ASIC2: variants seen among roughly 807,000 people sequenced by gnomAD.
ASIC2 encodes the protein acid sensing ion channel subunit 2, also known as acid-sensing ion channel 2.
Under a neutral mutation model 57.3 loss-of-function variants are expected in ASIC2, and 25 were observed. That is an observed-to-expected ratio of 0.44 (90% CI 0.32 to 0.61). The LOEUF (loss-of-function observed/expected upper bound fraction) is 0.61. Ranked by LOEUF, ASIC2 falls within the 20% of genes least tolerant of loss-of-function variation. The pLI, the probability that ASIC2 is intolerant of heterozygous loss-of-function variation, is 0.06. For synonymous variants in ASIC2, 319 were observed against 307.5 expected (o/e 1.04, Z -0.39); for missense variants, 641 against 738.1 (o/e 0.87, Z 1.52).
intron 1 of ASIC2, chr17:33,955,195 T>C (rs1298291986): frequency 2.0e-5 from 3 of 152,210 alleles, no homozygotes; most frequent in Non-Finnish European, 4.4e-5. Flanking sequence ...CCAAGGTCTT[T>C]CTAATACCAC....
chr17:33,047,739 A>G (rs6505328), intron 3 of ASIC2, among the ~76,000 whole-genome samples: 102,727 of 151,468 alleles, frequency 0.68, 35,030 homozygotes, highest in East Asian at 0.86. Context: ...GTTGTATATG[A>G]TTGAGCCAGT....
chr17:33,477,229 A>T (rs926575731), intron 1 of ASIC2, among the ~76,000 whole-genome samples: 3 of 152,054 alleles, frequency 2.0e-5, no homozygotes, highest in Non-Finnish European at 4.4e-5. Flanking sequence ...AATATCACCA[A>T]ATTTCTCCCC....
rs529393241 is a variant in ASIC2 at position 33,067,329 on chromosome 17, G to T, written c.987+21534C>A. Among the ~76,000 whole-genome samples the T allele has an allele frequency of 1.2e-4, 19 of 152,330 alleles. No individual in the cohort carries two copies. In the South Asian group the frequency reaches 3.5e-3, roughly 28 times the overall value. ...AAGACCTCTGTGGGCATCTGAGAAGGCTTCCTGGAGGAGGTGGCATGGAAG... is the reference window on the plus strand; with the variant it reads ...AAGACCTCTGTGGGCATCTGAGAAGTCTTCCTGGAGGAGGTGGCATGGAAG... On this transcript the variant is annotated intron_variant, in intron 3 of 9. Transcript: ENST00000225823.
chr17:34,014,811 T>C (rs1472908433), intron 1 of ASIC2, among the ~76,000 whole-genome samples: 1 of 152,202 alleles, frequency 6.6e-6, no homozygotes, highest in Non-Finnish European at 1.5e-5. Flanking sequence ...ATGCTTGGCA[T>C]GTGTTAGGTA....
At chr17:33,230,075 G>A (rs368863618) in intron 1 of ASIC2, among the ~76,000 whole-genome samples, 89 of 152,296 alleles carry the variant, frequency 5.8e-4, no homozygotes, top group African/African-American at 2.1e-3. Flanking sequence ...CATCCCAGGT[G>A]AGACCCCTGC....
chr17:33,352,149 C>G (rs932370308), intron 1 of ASIC2, among the ~76,000 whole-genome samples: 3 of 152,146 alleles, frequency 2.0e-5, no homozygotes, highest in South Asian at 4.1e-4. Flanking sequence ...TCCTCAGTCT[C>G]TATCTGTAGC....
In ASIC2 at chr17:33,916,735, C is replaced by G. The variant is rs142790163; in HGVS notation, c.555+239243G>C. 3.1e-3 allele frequency among the ~76,000 whole-genome samples: 479 copies of G among 152,240 alleles called. 2 individuals carry two copies. The highest frequency in any genetic ancestry group is 0.011 in the African/African-American group (453 of 41,540). ...GCAATGACTTCAAGGTTTCAGGATT[C>G]AAGGACTGACAGCAAAGAGATGCCA... On this transcript the variant is annotated intron_variant, in intron 1 of 9. Transcript: ENST00000359872.
intron 1 of ASIC2, among the ~76,000 whole-genome samples, chr17:33,831,106 C>CAAAAAAAAAAAAAAAAAA (rs56841196): frequency 4.4e-5 from 1 of 22,936 alleles, no homozygotes; most frequent in Non-Finnish European, 7.0e-5. Flanking sequence ...AAGGCTCTGT[C>CAAAAAAAAAAAAAAAAAA]AAAAAAAAAA....
chr17:33,267,713 C>A (rs533830921), intron 1 of ASIC2, among the ~76,000 whole-genome samples: 33 of 152,196 alleles, frequency 2.2e-4, no homozygotes, highest in Non-Finnish European at 4.6e-4. Flanking sequence ...GAAAGCTGCA[C>A]AGGCATCTTG....
intron 1 of ASIC2, among the ~76,000 whole-genome samples, chr17:33,300,308 C>A (rs1054298121): frequency 4.3e-4 from 65 of 152,062 alleles, no homozygotes; most frequent in African/African-American, 1.5e-3. Flanking sequence ...GTTCTTCACA[C>A]CTTTTTTTTT....
chr17:33,015,243 C>T (rs976221442), intron 9 of ASIC2, among the ~76,000 whole-genome samples: 12 of 152,136 alleles, frequency 7.9e-5, no homozygotes, highest in African/African-American at 2.9e-4. Flanking sequence ...ATTTGGGGCC[C>T]AAGGCTGGAT....
At chr17:34,137,172 C>T (rs1160973508) in intron 1 of ASIC2, among the ~76,000 whole-genome samples, 1 of 152,134 alleles carries the variant, frequency 6.6e-6, no homozygotes, top group African/African-American at 2.4e-5. Flanking sequence ...TATCTGTAAC[C>T]TTCTAAAAAT....
intron 1 of ASIC2, among the ~76,000 whole-genome samples, chr17:33,763,500 C>T (rs903958826): frequency 1.1e-4 from 17 of 152,088 alleles, no homozygotes; most frequent in East Asian, 1.9e-4. Context: ...GGATGGATTG[C>T]GTTATCTATT....
chr17:33,060,376 G>T (rs557788537), intron 3 of ASIC2, among the ~76,000 whole-genome samples: 1 of 151,974 alleles, frequency 6.6e-6, no homozygotes, highest in Non-Finnish European at 1.5e-5. Context: ...AGCTTTCTAC[G>T]TATGGCTAGC....
rs185642129 is a variant in ASIC2 at position 33,783,083 on chromosome 17, C to T, written c.555+372895G>A. The stretch of plus-strand genomic sequence containing the variant: ...ATTCCTAAGCACCCTGCTTACATTA[C>T]TCCTTTTCACCCCATCACTTTCCAT... On this transcript the variant is annotated intron_variant, in intron 1 of 9. Coordinates refer to the ASIC2 transcript ENST00000359872. 1.9e-3 allele frequency among the ~76,000 whole-genome samples: 296 copies of T among 152,318 alleles called. 1 individual carries two copies. Among genetic ancestry groups the T allele is most frequent in the Non-Finnish European group, 3.1e-3 (214 of 68,030 alleles).
At chr17:33,564,702 G>T (rs1006479445) in intron 1 of ASIC2, among the ~76,000 whole-genome samples, 1 of 152,164 alleles carries the variant, frequency 6.6e-6, no homozygotes, top group African/African-American at 2.4e-5. Flanking sequence ...CCTAAAACCG[G>T]CCATAAACAG....
At chr17:33,775,174 G>A (rs569786856) in intron 1 of ASIC2, among the ~76,000 whole-genome samples, 1 of 152,346 alleles carries the variant, frequency 6.6e-6, no homozygotes, top group South Asian at 2.1e-4. Flanking sequence ...TTTGCCAAGT[G>A]AGACTCCATG....
chr17:33,824,093 C>T (rs902336106), intron 1 of ASIC2, among the ~76,000 whole-genome samples: 2 of 152,144 alleles, frequency 1.3e-5, no homozygotes, highest in Non-Finnish European at 2.9e-5. Context: ...AAATGACCCA[C>T]AGGAACCATT....
At chr17:33,744,494 A>G (rs1910202518) in intron 1 of ASIC2, among the ~76,000 whole-genome samples, 2 of 152,376 alleles carry the variant, frequency 1.3e-5, no homozygotes, top group South Asian at 2.1e-4. Context: ...TTAACACTGC[A>G]TGGGGAATAG....
Sources: gnomAD v4.1 joint callset for allele counts (sites outside exome capture counted in the v4.1 genomes callset) on GRCh38, gnomAD v4.1.1 for gene constraint, MANE v1.5 for transcripts, NCBI Gene and HGNC (gene_info 2026-07-23, HGNC 2026-07-21) for gene names.